SLC16A7: variants seen among roughly 807,000 people sequenced by gnomAD.
SLC16A7 encodes monocarboxylate transporter 2.
In SLC16A7, 33 loss-of-function variants were observed where a neutral mutation model predicts 34.9. The observed-to-expected ratio is 0.94, with a 90% confidence interval of 0.72 to 1.26. The LOEUF (loss-of-function observed/expected upper bound fraction) is 1.26. SLC16A7 is among the 50% of genes most tolerant of loss of function. The pLI, the probability that SLC16A7 is intolerant of heterozygous loss-of-function variation, is 0.00. For missense variants in SLC16A7, 573 were observed against 578.1 expected, an observed-to-expected ratio of 0.99 and a Z score of 0.09; for synonymous variants, 201 against 206.6, an observed-to-expected ratio of 0.97 and a Z score of 0.23.
At chr12:59,749,851 A>T (rs550350332) in intron 3 of SLC16A7, among the ~76,000 whole-genome samples, 3 of 152,324 alleles carry the variant, frequency 2.0e-5, no homozygotes, top group African/African-American at 7.2e-5. Context: ...AATTCAAGAG[A>T]TAATAAAAAT....
rs1401519072 is a variant in SLC16A7, at chr12:59,614,720, C to T, written c.-130+18484C>T. On this transcript the variant is annotated intron_variant, in intron 1 of 5. Coordinates refer to ENST00000547379, the MANE Select transcript of SLC16A7 (RefSeq NM_001270623.2). Reference sequence around the variant, plus strand: ...GAGGATCCAGCCGGGCATGGTGGCTCAAGGCTGTAATCCCACCCAGCACTT... The same window carrying T: ...GAGGATCCAGCCGGGCATGGTGGCTTAAGGCTGTAATCCCACCCAGCACTT... Among the ~76,000 whole-genome samples the T allele has an allele frequency of 2.1e-5, 3 of 146,066 alleles. No individual in the cohort carries two copies. The South Asian group carries it at 6.5e-4, about 32-fold the overall frequency.
At chr12:59,724,210 CTA>C (rs1302402668) in intron 3 of SLC16A7, among the ~76,000 whole-genome samples, 3 of 151,974 alleles carry the variant, frequency 2.0e-5, no homozygotes, top group African/African-American at 7.2e-5. Flanking sequence ...GTGTCTCATT[CTA>C]CTGCTGAGGA....
chr12:59,668,633 CTT>C (rs1869412398), intron 2 of SLC16A7, among the ~76,000 whole-genome samples: 2 of 152,152 alleles, frequency 1.3e-5, no homozygotes, highest in African/African-American at 4.8e-5. Flanking sequence ...TCAGATGAGA[CTT>C]TGGATGTAGA....
chr12:59,744,072 T>C lies in SLC16A7; in HGVS notation c.218-27147T>C, dbSNP rs140443804. 1.5e-3 allele frequency among the ~76,000 whole-genome samples: 234 copies of C among 152,340 alleles called. 1 individual carries two copies. The highest frequency in any genetic ancestry group is 5.3e-3 in the African/African-American group (221 of 41,584). On this transcript the variant is annotated intron_variant, in intron 3 of 5. Transcript: ENST00000547379. ...ATTCAGTTTAAACAAAATGCACATATATTATCTTGCGTAAGATTATTGATA... is the reference window on the plus strand; with the variant it reads ...ATTCAGTTTAAACAAAATGCACATACATTATCTTGCGTAAGATTATTGATA...
Position 59,596,799 on chromosome 12 carries a change from G to A in SLC16A7, c.-130+563G>A, listed in dbSNP as rs539344942. Among the ~76,000 whole-genome samples the A allele has an allele frequency of 7.0e-4, 106 of 152,332 alleles. 1 individual carries two copies. Among genetic ancestry groups the A allele is most frequent in the African/African-American group, 2.3e-3 (94 of 41,590 alleles). ...GGACAGGAAGAGGCTGTGAGGGGAA[G>A]ACGAAATACCGGGGGATGGGGGGGT... is the stretch of plus-strand genomic sequence containing the variant. On this transcript the variant is annotated intron_variant, in intron 1 of 5. Coordinates refer to ENST00000547379, the MANE Select transcript of SLC16A7 (RefSeq NM_001270623.2). The surrounding 1 kb of genome is among the most constrained non-coding windows in gnomAD (Gnocchi z 5.0).
Position 59,596,812 on chromosome 12 carries a change from G to A in SLC16A7, c.-130+576G>A, listed in dbSNP as rs1592372548. On this transcript the variant is annotated intron_variant, in intron 1 of 5. Coordinates refer to ENST00000547379, the MANE Select transcript of SLC16A7 (RefSeq NM_001270623.2). This position sits in a 1 kb window ranked among gnomAD's most constrained non-coding sequence, Gnocchi z 5.0. Reference sequence around the variant, plus strand: ...CTGTGAGGGGAAGACGAAATACCGGGGGATGGGGGGGTTGTCTTTCTTCAT... The same window carrying A: ...CTGTGAGGGGAAGACGAAATACCGGAGGATGGGGGGGTTGTCTTTCTTCAT... 6.6e-6 allele frequency among the ~76,000 whole-genome samples: 1 copy of A among 152,206 alleles called. No individual in the cohort carries two copies. The highest frequency in any genetic ancestry group is 2.4e-5 in the African/African-American group (1 of 41,450).
At chr12:59,746,427 T>C (rs2137304433) in intron 3 of SLC16A7, among the ~76,000 whole-genome samples, 1 of 152,330 alleles carries the variant, frequency 6.6e-6, no homozygotes, top group South Asian at 2.1e-4. Context: ...GCTAGAAAGG[T>C]CTTGTTTGTC....
chr12:59,726,985 C>T (rs922803831), intron 3 of SLC16A7, among the ~76,000 whole-genome samples: 2 of 151,754 alleles, frequency 1.3e-5, no homozygotes, highest in African/African-American at 4.8e-5. Context: ...AGTAATTATA[C>T]TAAATTCATT....
chr12:59,768,583 C>T (rs1177304893), intron 3 of SLC16A7, among the ~76,000 whole-genome samples: 1 of 152,126 alleles, frequency 6.6e-6, no homozygotes, highest in African/African-American at 2.4e-5. Context: ...AGAGAATTGA[C>T]TCCAGTTTAG....
chr12:59,661,688 G>T (rs1868859281), intron 2 of SLC16A7, among the ~76,000 whole-genome samples: 1 of 152,002 alleles, frequency 6.6e-6, no homozygotes, highest in Non-Finnish European at 1.5e-5. Flanking sequence ...CAGCAAGAAG[G>T]GGGAATCCAT....
intron 3 of SLC16A7, among the ~76,000 whole-genome samples, chr12:59,758,216 AT>A (rs1880615727): frequency 1.3e-5 from 2 of 152,114 alleles, no homozygotes; most frequent in Non-Finnish European, 2.9e-5. Context: ...ACACTTAAAA[AT>A]TTGTTGAGAC....
chr12:59,646,749 C>A (rs893577834), intron 1 of SLC16A7, among the ~76,000 whole-genome samples: 1 of 152,190 alleles, frequency 6.6e-6, no homozygotes, highest in Non-Finnish European at 1.5e-5. Flanking sequence ...CCCATGAAAG[C>A]AGCCAGGAGG....
At chr12:59,714,844 C>T (rs1370120438) in intron 3 of SLC16A7, among the ~76,000 whole-genome samples, 1 of 152,156 alleles carries the variant, frequency 6.6e-6, no homozygotes, top group Non-Finnish European at 1.5e-5. Flanking sequence ...GGATTACAGG[C>T]ATGAGCCAAC....
chr12:59,660,123 CTT>C (rs1213987248), intron 2 of SLC16A7, among the ~76,000 whole-genome samples: 3 of 151,658 alleles, frequency 2.0e-5, no homozygotes, highest in Non-Finnish European at 2.9e-5. Context: ...TTAAATAATC[CTT>C]TTTTAAAAAG....
At chr12:59,673,447 G>A (rs1465473443) in intron 2 of SLC16A7, among the ~76,000 whole-genome samples, 1 of 149,600 alleles carries the variant, frequency 6.7e-6, no homozygotes, top group African/African-American at 2.5e-5. Flanking sequence ...AGGACCCTGT[G>A]TTACTTATAG....
At chr12:59,722,363 T>A (rs2137207984) in intron 3 of SLC16A7, among the ~76,000 whole-genome samples, 1 of 152,052 alleles carries the variant, frequency 6.6e-6, no homozygotes, top group South Asian at 2.1e-4. Flanking sequence ...TTATTTATAG[T>A]CTAGATTATC....
intron 1 of SLC16A7, among the ~76,000 whole-genome samples, chr12:59,601,355 A>G (rs1878673899): frequency 6.6e-6 from 1 of 152,254 alleles, no homozygotes; most frequent in African/African-American, 2.4e-5. Flanking sequence ...AATAAAAAAT[A>G]AAACTACAAA....
intron 3 of SLC16A7, among the ~76,000 whole-genome samples, chr12:59,739,594 T>A (rs1481655150): frequency 6.7e-6 from 1 of 148,642 alleles, no homozygotes; most frequent in Non-Finnish European, 1.5e-5. Context: ...GTATTTCTAG[T>A]TCTAGATCCC....
chr12:59,658,966 G>C (rs913114417), intron 2 of SLC16A7, among the ~76,000 whole-genome samples: 1 of 151,982 alleles, frequency 6.6e-6, no homozygotes, highest in Admixed American at 6.6e-5. Context: ...TTTAGATACA[G>C]GGGAACATTT....
Sources: allele counts gnomAD v4.1 joint callset (sites outside exome capture counted in the v4.1 genomes callset), GRCh38; gene constraint gnomAD v4.1.1; non-coding constraint Gnocchi (gnomAD v3.1); transcripts MANE v1.5; gene names NCBI Gene and HGNC (gene_info 2026-07-23, HGNC 2026-07-21).